PCYT1B: variants seen among roughly 807,000 people sequenced by gnomAD.
The protein encoded by PCYT1B is phosphate cytidylyltransferase 1B, choline, also known as choline-phosphate cytidylyltransferase B.
PCYT1B carries 10 observed loss-of-function variants against 26.4 expected under a neutral mutation model. That is an observed-to-expected ratio of 0.38 (90% CI 0.23 to 0.64). The LOEUF (loss-of-function observed/expected upper bound fraction) is 0.64. Ranked by LOEUF, PCYT1B falls within the 30% of genes least tolerant of loss-of-function variation. PCYT1B has a pLI of 0.56. For synonymous variants in PCYT1B, 131 were observed against 108.4 expected (o/e 1.21, Z -1.29); for missense variants, 161 against 292.7 (o/e 0.55, Z 3.28).
rs769753138 is a variant in PCYT1B, at chrX:24,610,117, T to C, written c.218-2256A>G. ...AATTATATATATATATATATGCATG[T>C]ATTACATTGATGTTATAAAAATAAA... On this transcript the variant is annotated intron_variant, in intron 2 of 7. Transcript: ENST00000379144. Among the ~76,000 whole-genome samples the C allele has an allele frequency of 8.1e-5, 9 of 110,972 alleles. No individual in the cohort carries two copies. The South Asian group carries it at 3.4e-3, about 42-fold the overall frequency.
chrX:24,630,454 C>T (rs191768736), intron 1 of PCYT1B, among the ~76,000 whole-genome samples: 9 of 109,547 alleles, frequency 8.2e-5, no homozygotes, highest in African/African-American at 3.1e-4. Flanking sequence ...CACCACCACG[C>T]CCGGCTAATT....
intron 3 of PCYT1B, among the ~76,000 whole-genome samples, chrX:24,597,324 C>G (rs893202970): frequency 2.7e-4 from 30 of 110,697 alleles, no homozygotes; most frequent in Non-Finnish European, 3.8e-5. Flanking sequence ...GGGGTTTCAC[C>G]ATGTTGGTCA....
intron 1 of PCYT1B, among the ~76,000 whole-genome samples, chrX:24,643,296 G>A (rs1280159167): frequency 9.0e-6 from 1 of 110,942 alleles, no homozygotes; most frequent in Non-Finnish European, 1.9e-5. Context: ...TTCCAAGAAG[G>A]GCTATTACAT....
intron 5 of PCYT1B, among the ~76,000 whole-genome samples, chrX:24,583,987 A>G (rs1314207186): frequency 1.8e-5 from 2 of 112,264 alleles, no homozygotes; most frequent in Non-Finnish European, 3.8e-5. Flanking sequence ...TCCTTATGGC[A>G]ATTTTAGGAA....
At chrX:24,644,200 A>G (rs1231538635) in intron 1 of PCYT1B, among the ~76,000 whole-genome samples, 1 of 112,191 alleles carries the variant, frequency 8.9e-6, no homozygotes, top group Non-Finnish European at 1.9e-5. Flanking sequence ...GTTAGGCTAT[A>G]AAGTATAAAT....
intron 2 of PCYT1B, among the ~76,000 whole-genome samples, chrX:24,612,360 T>C (rs2030287136): frequency 8.9e-6 from 1 of 112,314 alleles, no homozygotes. Flanking sequence ...AAAAGGTGAG[T>C]CATAGACTGG....
intron 1 of PCYT1B, chrX:24,658,242 A>G (rs1025253066): frequency 8.9e-6 from 1 of 112,392 alleles, no homozygotes; most frequent in African/African-American, 3.2e-5. Flanking sequence ...ATGGTCTCCA[A>G]AGTGATTCTT....
At position 24,562,020 on chromosome X, in the gene PCYT1B, C is replaced by A. The variant is rs917899176; in HGVS notation, c.*273G>T. The A allele has an allele frequency of 2.8e-6, 3 of 1,087,607 alleles. No homozygotes were observed. The highest frequency in any genetic ancestry group is 3.6e-5 in the African/African-American group (2 of 55,436). The allele number at this position is 1,087,607 out of a possible 1,213,427, so 89.6% of individuals were successfully genotyped here. The stretch of plus-strand genomic sequence containing the variant: ...CATCAGTGCAAGTCTCTCTAGGGAA[C>A]TCTGCATCCTTCCTTAGCAAGGTTA... On this transcript the variant is annotated 3_prime_UTR_variant, in exon 8 of 8. Transcript: ENST00000379144.
intron 1 of PCYT1B, among the ~76,000 whole-genome samples, chrX:24,654,442 C>A (rs867199026): frequency 9.6e-6 from 1 of 104,284 alleles, no homozygotes; most frequent in South Asian, 4.7e-4. Context: ...TTCTCACTGC[C>A]CCAGATTTAC....
intron 3 of PCYT1B, among the ~76,000 whole-genome samples, chrX:24,600,230 A>G (rs1924916571): frequency 9.0e-6 from 1 of 111,224 alleles, no homozygotes; most frequent in Non-Finnish European, 1.9e-5. Context: ...TAAAATGTCA[A>G]TATTGGATTT....
intron 1 of PCYT1B, chrX:24,657,985 T>C: frequency 9.0e-6 from 1 of 111,425 alleles, no homozygotes; most frequent in South Asian, 3.8e-4. Context: ...TAAAGAGTGG[T>C]CTTTCTTGAT....
chrX:24,591,661 G>T (rs781294119), intron 3 of PCYT1B, among the ~76,000 whole-genome samples: 1 of 111,163 alleles, frequency 9.0e-6, no homozygotes, highest in East Asian at 2.8e-4. Flanking sequence ...GACTGCAAGT[G>T]ATCCACCGGT....
chrX:24,627,251 G>A (rs1925911438), intron 1 of PCYT1B, among the ~76,000 whole-genome samples: 1 of 112,145 alleles, frequency 8.9e-6, no homozygotes, highest in African/African-American at 3.2e-5. Context: ...GAAAGGAGAT[G>A]AGAGGCACCC....
intron 7 of PCYT1B, 93 bp from the exon 8 acceptor site, chrX:24,562,598 C>G (rs961403248): frequency 1.3e-6 from 1 of 757,386 alleles, no homozygotes; most frequent in Non-Finnish European, 2.0e-6. Context: ...AGCCACTACC[C>G]CAAAACTCCT....
intron 1 of PCYT1B, among the ~76,000 whole-genome samples, chrX:24,642,642 C>T (rs757179964): frequency 8.9e-6 from 1 of 111,856 alleles, no homozygotes; most frequent in East Asian, 2.8e-4. Flanking sequence ...GGATAGAGAC[C>T]AGCAGGAAGA....
chrX:24,642,086 A>G (rs986253150), intron 1 of PCYT1B, among the ~76,000 whole-genome samples: 3 of 113,291 alleles, frequency 2.6e-5, no homozygotes, highest in African/African-American at 9.6e-5. Context: ...GTTAAAGTCA[A>G]ACTTACAAAA....
chrX:24,667,482 C>T lies in PCYT1B; in HGVS notation c.63+5088G>A, dbSNP rs145882969. On this transcript the variant is annotated intron_variant, in intron 1 of 7. Transcript: ENST00000379145. ...CTGTAATCCCGACACTTTGGGAGGC[C>T]GAGGCGGGCAGTTCACTTGAGGTCA... is the stretch of plus-strand genomic sequence containing the variant. Among the ~76,000 whole-genome samples the T allele has an allele frequency of 8.0e-3, 892 of 110,886 alleles. 11 individuals are homozygous for T. The highest frequency in any genetic ancestry group is 0.028 in the African/African-American group (846 of 30,485).
At chrX:24,662,291 G>T (rs891485677) in intron 1 of PCYT1B, among the ~76,000 whole-genome samples, 1 of 112,493 alleles carries the variant, frequency 8.9e-6, no homozygotes, top group Non-Finnish European at 1.9e-5. Context: ...GATAGAATCA[G>T]TGGTTCTCAA....
intron 2 of PCYT1B, among the ~76,000 whole-genome samples, chrX:24,615,571 TCTC>T (rs1925462481): frequency 9.1e-6 from 1 of 109,375 alleles, no homozygotes; most frequent in Non-Finnish European, 1.9e-5. Context: ...TTCAAGAAAT[TCTC>T]CTGCCTCAGC....
Sources: allele counts gnomAD v4.1 joint callset (sites outside exome capture counted in the v4.1 genomes callset), GRCh38; gene constraint gnomAD v4.1.1; transcripts MANE v1.5; gene names NCBI Gene and HGNC (gene_info 2026-07-23, HGNC 2026-07-21).